Variants in AMBRA1 observed in about 807,000 individuals in gnomAD.
The protein encoded by AMBRA1 is activating molecule in BECN1-regulated autophagy protein 1.
In AMBRA1, 47 loss-of-function variants were observed where a neutral mutation model predicts 125.4. The observed-to-expected ratio is 0.37, with a 90% CI of 0.30 to 0.48. The LOEUF (loss-of-function observed/expected upper bound fraction) is 0.48. Among genes scored for constraint, AMBRA1 ranks in the 20% least tolerant of loss-of-function variants. AMBRA1 has a pLI of 0.99. For synonymous variants in AMBRA1, 626 were observed against 655.5 expected, an observed-to-expected ratio of 0.95 and a Z score of 0.69; for missense variants, 1,331 against 1,693.4, an observed-to-expected ratio of 0.79 and a Z score of 3.76.
Position 46,512,848 on chromosome 11 carries a change from T to C in AMBRA1, c.2073-35A>G. 3 of 1,576,724 alleles carry C rather than the reference T, an allele frequency of 1.9e-6. No homozygotes were observed. In the South Asian group the frequency reaches 3.4e-5, roughly 18 times the overall value. On this transcript the variant is annotated intron_variant, in intron 7 of 17. Transcript: ENST00000683756. ...ATTAAAAAAATGGCAATAATCCCTG[T>C]CAATTACCAACTCAGAGGTCATTCA...
chr11:46,438,703 G>A (rs999483250), intron 12 of AMBRA1, among the ~76,000 whole-genome samples: 7 of 152,096 alleles, frequency 4.6e-5, no homozygotes, highest in African/African-American at 1.2e-4. Flanking sequence ...CCACTCATCC[G>A]CCGGGTTTCT....
intron 7 of AMBRA1, among the ~76,000 whole-genome samples, chr11:46,534,956 G>A (rs1591054281): frequency 6.6e-6 from 1 of 152,208 alleles, no homozygotes; most frequent in South Asian, 2.1e-4. Flanking sequence ...TTACAGGCAT[G>A]AGCCACCACA....
At chr11:46,411,623 C>T (rs560433256) in intron 15 of AMBRA1, among the ~76,000 whole-genome samples, 4 of 152,146 alleles carry the variant, frequency 2.6e-5, no homozygotes, top group African/African-American at 4.8e-5. Flanking sequence ...TGTGTGCCAC[C>T]ACGCCCGGCT....
In AMBRA1 at chr11:46,408,548, G is replaced by C. The variant is rs773034716; in HGVS notation, c.3368C>G (p.Pro1123Arg). The C allele has an allele frequency of 2.5e-6, 4 of 1,588,506 alleles. No homozygotes were observed. The highest frequency in any genetic ancestry group is 1.7e-5 in the Admixed American group (1 of 57,298). ...ACCTGAGGCGGCTGTCCCTGGCTCC[G>C]GCACCTCCCTCTCAGTCTGTGTTTC... ...NAETQTEREV[P>R]EPGTAASGPG... The change falls in exon 17 of 18, where the codon CCG (proline) becomes CGG (arginine). Residue 1123 changes from proline (P) to arginine (R), a missense_variant. This residue lies in a region of AMBRA1 where 354 missense variants were observed against 532.7 expected (regional missense o/e 0.66). Coordinates refer to ENST00000683756, the MANE Select transcript of AMBRA1 (RefSeq NM_001387011.1).
chr11:46,577,229 GGATA>G (rs2043988667), intron 1 of AMBRA1, among the ~76,000 whole-genome samples: 1 of 152,164 alleles, frequency 6.6e-6, no homozygotes, highest in African/African-American at 2.4e-5. Flanking sequence ...ATGGATGAAT[GGATA>G]AACAAATGTG....
At chr11:46,577,302 A>G (rs1317245877) in intron 1 of AMBRA1, among the ~76,000 whole-genome samples, 1 of 152,240 alleles carries the variant, frequency 6.6e-6, no homozygotes, top group Non-Finnish European at 1.5e-5. Flanking sequence ...ACTGATAAAT[A>G]TTCCAATGGA....
At chr11:46,593,075 T>A (rs1258041033) in intron 1 of AMBRA1, among the ~76,000 whole-genome samples, 1 of 152,172 alleles carries the variant, frequency 6.6e-6, no homozygotes, top group East Asian at 1.9e-4. Flanking sequence ...GTTAAAATGA[T>A]ACAGACTTTG....
chr11:46,581,601 C>T (rs1273827048), intron 1 of AMBRA1, among the ~76,000 whole-genome samples: 1 of 150,480 alleles, frequency 6.6e-6, no homozygotes, highest in East Asian at 2.0e-4. Flanking sequence ...GCGAGACTTC[C>T]TCTCAAAAAA....
In AMBRA1 at chr11:46,542,333, G is replaced by C; in HGVS notation, c.1684C>G (p.Arg562Gly). Residue 562 changes from arginine to glycine, a missense_variant, in exon 7 of 18, where the codon CGT (arginine) becomes GGT (glycine). Around this residue, in one of 4 missense-constraint regions of AMBRA1, gnomAD observed 689 missense variants for 776.5 expected, o/e 0.89. Transcript: ENST00000683756. The surrounding 1 kb of genome is among the most constrained non-coding windows in gnomAD (Gnocchi z 5.9). The part of the protein sequence containing the change: ...HSSENNSNLS[R>G]GHLNRCRACH... The stretch of plus-strand genomic sequence containing the variant: ...GCACGACAGCGATTCAGGTGGCCAC[G>C]GGACAGGTTGGAGTTGTTCTCACTG... 1 of 1,614,140 alleles carries C rather than the reference G, an allele frequency of 6.2e-7. No homozygotes were observed. Among genetic ancestry groups the C allele is most frequent in the African/African-American group, 1.3e-5 (1 of 75,026 alleles).
chr11:46,538,306 C>T (rs951609152), intron 7 of AMBRA1, among the ~76,000 whole-genome samples: 3 of 151,894 alleles, frequency 2.0e-5, no homozygotes, highest in African/African-American at 7.3e-5. Flanking sequence ...CAATGAGAAC[C>T]CTGAGTTATT....
intron 8 of AMBRA1, among the ~76,000 whole-genome samples, chr11:46,510,651 T>C (rs1951222280): frequency 6.6e-6 from 1 of 152,208 alleles, no homozygotes; most frequent in Non-Finnish European, 1.5e-5. Flanking sequence ...GACATAGGAA[T>C]TCCCCAAGCT....
intron 9 of AMBRA1, among the ~76,000 whole-genome samples, chr11:46,497,560 A>T (rs770575308): frequency 1.3e-5 from 2 of 152,222 alleles, no homozygotes; most frequent in African/African-American, 4.8e-5. Context: ...AATGTGAAAC[A>T]TAATAAACAC....
At chr11:46,577,431 G>A (rs1012558837) in intron 1 of AMBRA1, among the ~76,000 whole-genome samples, 1 of 152,124 alleles carries the variant, frequency 6.6e-6, no homozygotes, top group Non-Finnish European at 1.5e-5. Flanking sequence ...GAGACAGAAT[G>A]CAGATTGATG....
intron 11 of AMBRA1, among the ~76,000 whole-genome samples, chr11:46,448,594 A>C (rs980318231): frequency 6.6e-6 from 1 of 152,194 alleles, no homozygotes; most frequent in Non-Finnish European, 1.5e-5. Flanking sequence ...AAGCAGAAGA[A>C]AAACATGAGC....
chr11:46,494,237 G>T (rs1413959213), intron 9 of AMBRA1, 33 bp from the exon 10 acceptor site: 2 of 1,534,950 alleles, frequency 1.3e-6, no homozygotes, highest in Non-Finnish European at 1.8e-6. Flanking sequence ...ACATAAGAGA[G>T]TCACTAAGGA....
intron 16 of AMBRA1, 72 bp downstream of exon 16, chr11:46,410,204 A>G: frequency 6.9e-7 from 1 of 1,446,340 alleles, no homozygotes; most frequent in South Asian, 1.1e-5. Context: ...GGCGCTGCTT[A>G]AGAGCCCATC....
chr11:46,548,608 A>T (rs1454212476), intron 1 of AMBRA1, 108 bp from the exon 2 acceptor site: 2 of 518,140 alleles, frequency 3.9e-6, no homozygotes, highest in African/African-American at 3.8e-5. Context: ...CTATTTAATG[A>T]CACTTTCTCA....
At chr11:46,464,949 G>A (rs1227767719) in intron 11 of AMBRA1, among the ~76,000 whole-genome samples, 3 of 152,150 alleles carry the variant, frequency 2.0e-5, no homozygotes, top group African/African-American at 7.2e-5. Flanking sequence ...GGAGTCTGAG[G>A]CAGGAGAATC....
chr11:46,526,486 T>C (rs1188806651), intron 7 of AMBRA1, among the ~76,000 whole-genome samples: 1 of 149,212 alleles, frequency 6.7e-6, no homozygotes. Context: ...TAAGCTGCTA[T>C]GTAAGAAGTC....
Sources: allele counts gnomAD v4.1 joint callset (sites outside exome capture counted in the v4.1 genomes callset), GRCh38; gene constraint gnomAD v4.1.1; regional missense constraint gnomAD v4.1.1; non-coding constraint Gnocchi (gnomAD v3.1); transcripts MANE v1.5; gene names NCBI Gene and HGNC (gene_info 2026-07-23, HGNC 2026-07-21).